Variants in ZFPM2 observed in about 807,000 individuals in gnomAD.
ZFPM2 encodes zinc finger protein ZFPM2.
ZFPM2 carries 20 observed loss-of-function variants against 98.6 expected under a neutral mutation model. The observed-to-expected ratio is 0.20, with a 90% CI of 0.14 to 0.29. The LOEUF is 0.29. Among genes scored for constraint, ZFPM2 ranks in the 10% least tolerant of loss-of-function variants. The pLI, the probability that ZFPM2 is intolerant of heterozygous loss-of-function variation, is 1.00. For synonymous variants in ZFPM2, 518 were observed against 502.7 expected (o/e 1.03, Z -0.41); for missense variants, 1,310 against 1,388.6 (o/e 0.94, Z 0.90).
At chr8:105,484,637 G>T (rs1449744533) in intron 3 of ZFPM2, among the ~76,000 whole-genome samples, 2 of 152,110 alleles carry the variant, frequency 1.3e-5, no homozygotes, top group African/African-American at 2.4e-5. Flanking sequence ...GTGCCACACT[G>T]CCTGACACCT....
At chr8:105,758,635 A>G (rs1298627139) in intron 5 of ZFPM2, among the ~76,000 whole-genome samples, 1 of 151,894 alleles carries the variant, frequency 6.6e-6, no homozygotes, top group Non-Finnish European at 1.5e-5. Context: ...CATTTTTAGG[A>G]GTCTTATTGG....
At chr8:105,380,914 GTTATATATATTA>G (rs1810873094) in intron 1 of ZFPM2, among the ~76,000 whole-genome samples, 1 of 96,710 alleles carries the variant, frequency 1.0e-5, no homozygotes, top group African/African-American at 4.3e-5. Flanking sequence ...TAATATATAT[GTTATATATATTA>G]TAATATATAT....
At chr8:105,332,666 G>A (rs552478390) in intron 1 of ZFPM2, among the ~76,000 whole-genome samples, 2 of 151,764 alleles carry the variant, frequency 1.3e-5, no homozygotes, top group South Asian at 4.2e-4. Flanking sequence ...ATTTAATCTT[G>A]ATAGATAGAG....
intron 5 of ZFPM2, among the ~76,000 whole-genome samples, chr8:105,654,626 G>T (rs1817248271): frequency 6.6e-6 from 1 of 151,548 alleles, no homozygotes; most frequent in South Asian, 2.1e-4. Context: ...AACTGTTACT[G>T]CTGGAAATGA....
intron 2 of ZFPM2, among the ~76,000 whole-genome samples, chr8:105,436,747 C>G (rs919823025): frequency 2.0e-5 from 3 of 152,114 alleles, no homozygotes; most frequent in Non-Finnish European, 4.4e-5. Context: ...CCACATCTCT[C>G]CCCCTTGGTT....
In ZFPM2 at chr8:105,424,175, G is replaced by T. The variant is rs149981892; in HGVS notation, c.199+4873G>T. ...TACAAAAAACAAAGATAACCCCAAA[G>T]AAACTACATGTAAGTCAACTTTGAA... On this transcript the variant is annotated intron_variant, in intron 2 of 7. Coordinates refer to ENST00000407775, the MANE Select transcript of ZFPM2 (RefSeq NM_012082.4). Among the ~76,000 whole-genome samples, 219 of 152,164 alleles carry T rather than the reference G, an allele frequency of 1.4e-3. 2 individuals carry two copies. The highest frequency in any genetic ancestry group is 4.9e-3 in the African/African-American group (203 of 41,528).
chr8:105,394,147 C>T (rs1161575032), intron 1 of ZFPM2, among the ~76,000 whole-genome samples: 2 of 152,106 alleles, frequency 1.3e-5, no homozygotes, highest in Non-Finnish European at 2.9e-5. Context: ...CCCGCCTCGG[C>T]CTCCCAAAGT....
chr8:105,622,435 T>G (rs1365036115), intron 4 of ZFPM2, among the ~76,000 whole-genome samples: 1 of 152,172 alleles, frequency 6.6e-6, no homozygotes, highest in African/African-American at 2.4e-5. Context: ...ATTAAATATT[T>G]TAATATAAAA....
At chr8:105,383,039 G>A (rs1166476109) in intron 1 of ZFPM2, among the ~76,000 whole-genome samples, 5 of 152,066 alleles carry the variant, frequency 3.3e-5, no homozygotes, top group Non-Finnish European at 7.4e-5. Context: ...AGGGAAATAG[G>A]TGGTTAGGAA....
At chr8:105,604,669 C>T (rs937519901) in intron 4 of ZFPM2, among the ~76,000 whole-genome samples, 15 of 152,106 alleles carry the variant, frequency 9.9e-5, no homozygotes, top group African/African-American at 3.1e-4. Context: ...CCCTCTGCCT[C>T]GAACATTTCA....
intron 1 of ZFPM2, among the ~76,000 whole-genome samples, chr8:105,363,675 C>A (rs1434792757): frequency 1.3e-5 from 2 of 152,034 alleles, no homozygotes; most frequent in East Asian, 1.9e-4. Context: ...TGCTGACACA[C>A]TGTGGAAGGT....
chr8:105,576,598 A>G (rs1050391774), intron 4 of ZFPM2, among the ~76,000 whole-genome samples: 2 of 152,208 alleles, frequency 1.3e-5, no homozygotes, highest in African/African-American at 4.8e-5. Context: ...AAAGTGACAC[A>G]TCCTGTCATA....
chr8:105,620,801 T>G (rs1383278030), intron 4 of ZFPM2, among the ~76,000 whole-genome samples: 1 of 152,198 alleles, frequency 6.6e-6, no homozygotes, highest in Non-Finnish European at 1.5e-5. Context: ...CCTTTCCCCA[T>G]TTCTTGTTTT....
chr8:105,622,639 T>C (rs534105832), intron 4 of ZFPM2, among the ~76,000 whole-genome samples: 25 of 152,280 alleles, frequency 1.6e-4, no homozygotes, highest in African/African-American at 6.0e-4. Context: ...TCCTTTGGGT[T>C]GGGAGCATGT....
chr8:105,463,681 C>T (rs921139664), intron 3 of ZFPM2, among the ~76,000 whole-genome samples: 2 of 151,988 alleles, frequency 1.3e-5, no homozygotes, highest in African/African-American at 4.8e-5. Context: ...CTTATTCATC[C>T]AGGTGGCCTT....
chr8:105,798,451 AAAAAT>A (rs1276831873), intron 6 of ZFPM2: 60 of 305,660 alleles, frequency 2.0e-4, no homozygotes, highest in Middle Eastern at 1.0e-3. Context: ...ATCTGTCGCA[AAAAAT>A]AAAATAAAAT....
At position 105,802,868 on chromosome 8, in the gene ZFPM2, G is replaced by C; in HGVS notation, c.2786G>C (p.Gly929Ala). ...AATTTGAAGCAGCCTTCCCCCAATG[G>C]AAACTTATTTTCATCCCACCTAGCA... Reference protein sequence around the residue: ...NGNLKQPSPNGNLFSSHLATL... With the variant: ...NGNLKQPSPNANLFSSHLATL... The change falls in exon 8 of 8, where the codon GGA becomes GCA. Residue 929 changes from glycine (G) to alanine (A), a missense_variant. Physicochemically the swap from Gly to Ala is moderately conservative, Grantham distance 60 (BLOSUM62 0). Coordinates refer to ENST00000407775, the MANE Select transcript of ZFPM2 (RefSeq NM_012082.4). 1 of 1,613,700 alleles carries C rather than the reference G, an allele frequency of 6.2e-7. No homozygotes were observed. The highest frequency in any genetic ancestry group is 2.2e-5 in the East Asian group (1 of 44,860).
intron 1 of ZFPM2, among the ~76,000 whole-genome samples, chr8:105,325,323 A>G (rs912101240): frequency 9.2e-5 from 14 of 151,990 alleles, no homozygotes; most frequent in South Asian, 8.3e-4. Flanking sequence ...GGAAAGAACT[A>G]TCTCTTTAAA....
In ZFPM2 at chr8:105,411,008, G is replaced by A. The variant is rs115152707; in HGVS notation, c.41-8136G>A. Among the ~76,000 whole-genome samples the A allele has an allele frequency of 2.4e-3, 372 of 151,862 alleles. 2 individuals carry two copies. The highest frequency in any genetic ancestry group is 0.01 in the Middle Eastern group (3 of 294). ...ATTGAATAACCAGGAAAGGACCATG[G>A]ATTTCACACTGTTTAGTGGGATAAA... On this transcript the variant is annotated intron_variant, in intron 1 of 7. Transcript: ENST00000407775.
Sources: allele counts gnomAD v4.1 joint callset (sites outside exome capture counted in the v4.1 genomes callset), GRCh38; gene constraint gnomAD v4.1.1; transcripts MANE v1.5; gene names NCBI Gene and HGNC (gene_info 2026-07-23, HGNC 2026-07-21).